Variants in PAK1 observed in about 807,000 individuals in gnomAD.
The protein encoded by PAK1 is serine/threonine-protein kinase PAK 1.
A neutral mutation model predicts 67.4 loss-of-function variants in PAK1; 29 were observed. The ratio of observed to expected loss-of-function variants is 0.43; its 90% CI spans 0.32 to 0.59. The LOEUF (loss-of-function observed/expected upper bound fraction) is 0.59. PAK1 is among the 20% of genes least tolerant of loss of function. The pLI, the probability that PAK1 is intolerant of heterozygous loss-of-function variation, is 0.07. For synonymous variants in PAK1, 223 were observed against 237.4 expected (o/e 0.94, Z 0.56); for missense variants, 337 against 670.7 (o/e 0.50, Z 5.50).
chr11:77,449,739 A>G (rs1290065049), intron 1 of PAK1, among the ~76,000 whole-genome samples: 1 of 150,454 alleles, frequency 6.6e-6, no homozygotes, highest in Non-Finnish European at 1.5e-5. Context: ...GAGCTTCTCC[A>G]GGGAAATAAT....
At chr11:77,376,734 C>A (rs1949138214) in intron 4 of PAK1, among the ~76,000 whole-genome samples, 1 of 107,872 alleles carries the variant, frequency 9.3e-6, no homozygotes, top group South Asian at 3.8e-4. Context: ...GAGACTCCAT[C>A]TCAAAAAAAA....
At chr11:77,506,526 C>T in the PAK1 span, among the ~76,000 whole-genome samples, 4 of 152,060 alleles carry the variant, frequency 2.6e-5, no homozygotes, top group Admixed American at 1.3e-4. Flanking sequence ...CAGCCAGTTC[C>T]GATTTGTATT....
chr11:77,388,928 G>A (rs2729751), intron 2 of PAK1, among the ~76,000 whole-genome samples: 21,432 of 152,122 alleles, frequency 0.14, 3,307 homozygotes, highest in African/African-American at 0.38. Flanking sequence ...TTATTGAGAT[G>A]TAATTCACTT....
At chr11:77,422,405 A>G (rs2138200012) in intron 1 of PAK1, among the ~76,000 whole-genome samples, 1 of 152,222 alleles carries the variant, frequency 6.6e-6, no homozygotes. Flanking sequence ...TACTAAAAAT[A>G]CAAAACTTAG....
chr11:77,484,908 G>A, the PAK1 span, among the ~76,000 whole-genome samples: 2 of 152,156 alleles, frequency 1.3e-5, no homozygotes, highest in African/African-American at 4.8e-5. Context: ...TCACAATCAC[G>A]GCAGAAGGCA....
At chr11:77,380,696 T>C (rs1418398136) in intron 2 of PAK1, among the ~76,000 whole-genome samples, 2 of 152,182 alleles carry the variant, frequency 1.3e-5, no homozygotes, top group Non-Finnish European at 2.9e-5. Flanking sequence ...TTGACTATTA[T>C]AAGTGTTTAT....
chr11:77,338,405 G>C (rs1231894555), intron 11 of PAK1, among the ~76,000 whole-genome samples: 5 of 152,166 alleles, frequency 3.3e-5, no homozygotes, highest in Non-Finnish European at 7.4e-5. Context: ...CCCTGAAAAT[G>C]TAAGAGCTGC....
intron 1 of PAK1, among the ~76,000 whole-genome samples, chr11:77,436,732 T>C (rs1035959361): frequency 6.6e-6 from 1 of 152,226 alleles, no homozygotes; most frequent in Non-Finnish European, 1.5e-5. Context: ...AAAGCACATA[T>C]GCAGAAGAAA....
chr11:77,511,058 T>C, the PAK1 span, among the ~76,000 whole-genome samples: 1 of 152,194 alleles, frequency 6.6e-6, no homozygotes, highest in Non-Finnish European at 1.5e-5. Flanking sequence ...CTTTTTTTCA[T>C]AACGAGCAGA....
chr11:77,363,909 C>T (rs927593958), intron 5 of PAK1, among the ~76,000 whole-genome samples: 2 of 152,232 alleles, frequency 1.3e-5, no homozygotes, highest in South Asian at 2.1e-4. Context: ...CCCATCCATC[C>T]GAGCCCCAAC....
chr11:77,521,612 G>A, the PAK1 span, among the ~76,000 whole-genome samples: 11 of 152,246 alleles, frequency 7.2e-5, no homozygotes, highest in South Asian at 2.1e-3. Flanking sequence ...CTGTGGAATT[G>A]AGTCCTCCTC....
At chr11:77,437,738 T>C (rs1956190044) in intron 1 of PAK1, among the ~76,000 whole-genome samples, 2 of 113,782 alleles carry the variant, frequency 1.8e-5, no homozygotes, top group Non-Finnish European at 3.3e-5. Flanking sequence ...AATTCAAATA[T>C]AGACTAAAAC....
chr11:77,483,348 G>A, the PAK1 span, among the ~76,000 whole-genome samples: 1 of 152,182 alleles, frequency 6.6e-6, no homozygotes, highest in South Asian at 2.1e-4. Context: ...CACTGAAAAG[G>A]AATAGACATG....
Position 77,452,423 on chromosome 11 carries a change from G to A in PAK1, c.-22+21129C>T, listed in dbSNP as rs1956899440. 2.6e-5 allele frequency among the ~76,000 whole-genome samples: 4 copies of A among 152,134 alleles called. No homozygotes were observed. In the South Asian group the frequency reaches 8.3e-4, roughly 32 times the overall value. On this transcript the variant is annotated intron_variant, in intron 1 of 14. Transcript: ENST00000356341. Reference sequence around the variant, plus strand: ...TACTTAATAGGGAGTCAGAAGTGCTGAGATGTGGTCTTGACTCTGTAACTA... The same window carrying A: ...TACTTAATAGGGAGTCAGAAGTGCTAAGATGTGGTCTTGACTCTGTAACTA...
intron 14 of PAK1, among the ~76,000 whole-genome samples, chr11:77,325,550 A>G (rs571134743): frequency 6.6e-6 from 1 of 152,366 alleles, no homozygotes; most frequent in South Asian, 2.1e-4. Context: ...TTTAGAGGTC[A>G]CTAACCTTTC....
intron 14 of PAK1, among the ~76,000 whole-genome samples, chr11:77,327,820 A>G (rs1225759264): frequency 2.0e-5 from 3 of 152,234 alleles, no homozygotes; most frequent in South Asian, 4.1e-4. Context: ...AAATGCTCCA[A>G]TTAAAAGACA....
At chr11:77,381,648 C>A (rs1320051893) in intron 2 of PAK1, among the ~76,000 whole-genome samples, 1 of 152,208 alleles carries the variant, frequency 6.6e-6, no homozygotes, top group Non-Finnish European at 1.5e-5. Flanking sequence ...TTCATTCTTA[C>A]AATCCTACAA....
intron 8 of PAK1, 108 bp from the exon 9 acceptor site, chr11:77,349,395 C>A: frequency 1.2e-6 from 1 of 835,152 alleles, no homozygotes; most frequent in Non-Finnish European, 2.0e-6. Flanking sequence ...AAAACAAGAG[C>A]AGTAAAAATA....
chr11:77,405,116 G>A (rs1020984453), intron 1 of PAK1, among the ~76,000 whole-genome samples: 1 of 152,178 alleles, frequency 6.6e-6, no homozygotes, highest in Non-Finnish European at 1.5e-5. Context: ...CATTTTAAGC[G>A]AAGGAGTAAT....
Sources: gnomAD v4.1 joint callset for allele counts (sites outside exome capture counted in the v4.1 genomes callset) on GRCh38, gnomAD v4.1.1 for gene constraint, MANE v1.5 for transcripts, NCBI Gene and HGNC (gene_info 2026-07-23, HGNC 2026-07-21) for gene names.